The following ANKS1B variants were observed in gnomAD, a reference collection of about 807,000 sequenced individuals.
ANKS1B encodes ankyrin repeat and sterile alpha motif domain containing 1B, also known as ankyrin repeat and sterile alpha motif domain-containing protein 1B.
ANKS1B carries 36 observed loss-of-function variants against 148.3 expected under a neutral mutation model. The ratio of observed to expected loss-of-function variants is 0.24; its 90% CI spans 0.19 to 0.32. ANKS1B has a LOEUF of 0.32. Ranked by LOEUF, ANKS1B falls within the 10% of genes least tolerant of loss-of-function variation. The pLI is 1.00. For synonymous variants in ANKS1B, 542 were observed against 560.8 expected, an observed-to-expected ratio of 0.97 and a Z score of 0.47; for missense variants, 1,157 against 1,542.6, an observed-to-expected ratio of 0.75 and a Z score of 4.19.
intron 10 of ANKS1B, among the ~76,000 whole-genome samples, chr12:99,484,098 A>G (rs569690182): frequency 6.6e-6 from 1 of 152,048 alleles, no homozygotes; most frequent in Admixed American, 6.6e-5. Flanking sequence ...GGTTGTTAAA[A>G]TTTGTGCCCT....
At chr12:99,761,845 A>G (rs1018307709) in intron 8 of ANKS1B, among the ~76,000 whole-genome samples, 30 of 152,250 alleles carry the variant, frequency 2.0e-4, no homozygotes, top group African/African-American at 7.2e-4. Flanking sequence ...ACTTCAGCAC[A>G]TTTTCAGAAC....
chr12:98,889,351 T>TTA (rs887683612), intron 17 of ANKS1B, among the ~76,000 whole-genome samples: 1 of 118,662 alleles, frequency 8.4e-6, no homozygotes, highest in African/African-American at 2.9e-5. Flanking sequence ...ACCTTTTTTA[T>TTA]TTTTTTTTTT....
Position 99,554,144 on chromosome 12 carries a change from G to A in ANKS1B, c.1273-49503C>T, listed in dbSNP as rs573552014. Reference sequence around the variant, plus strand: ...GCAATACAACCTAGCTGTGCCTAAAGACACATCTCAGCCTACAGCCAAAAG... The same window carrying A: ...GCAATACAACCTAGCTGTGCCTAAAAACACATCTCAGCCTACAGCCAAAAG... On this transcript the variant is annotated intron_variant, in intron 9 of 26. Transcript: ENST00000683438. 2.0e-5 allele frequency among the ~76,000 whole-genome samples: 3 copies of A among 152,242 alleles called. No homozygotes were observed. In the South Asian group the frequency reaches 6.2e-4, roughly 32 times the overall value.
At chr12:99,953,593 GA>G (rs5800394) in intron 1 of ANKS1B, among the ~76,000 whole-genome samples, 18,292 of 142,304 alleles carry the variant, frequency 0.13, 1,418 homozygotes, top group Middle Eastern at 0.19. Flanking sequence ...GTTGTTTAAG[GA>G]AAAAAAAAAA....
chr12:99,575,761 A>G (rs1199993589), intron 9 of ANKS1B, among the ~76,000 whole-genome samples: 1 of 152,066 alleles, frequency 6.6e-6, no homozygotes, highest in South Asian at 2.1e-4. Flanking sequence ...TTGGGTGGGG[A>G]CACCCAAACC....
chr12:99,375,687 C>A (rs1338409333), intron 12 of ANKS1B, among the ~76,000 whole-genome samples: 1 of 149,260 alleles, frequency 6.7e-6, no homozygotes, highest in African/African-American at 2.5e-5. Context: ...AAAAAAAAAA[C>A]CCTAAATACA....
chr12:99,460,890 C>T (rs2095950145), intron 10 of ANKS1B, among the ~76,000 whole-genome samples: 1 of 152,080 alleles, frequency 6.6e-6, no homozygotes, highest in African/African-American at 2.4e-5. Context: ...AATCCCACTC[C>T]TGGGTACCTA....
At chr12:99,608,717 C>T (rs959358008) in intron 9 of ANKS1B, among the ~76,000 whole-genome samples, 1 of 152,052 alleles carries the variant, frequency 6.6e-6, no homozygotes, top group African/African-American at 2.4e-5. Flanking sequence ...ATGAGGAAGA[C>T]AGAGGACCAC....
intron 17 of ANKS1B, among the ~76,000 whole-genome samples, chr12:98,945,596 T>C (rs1208210250): frequency 2.0e-5 from 3 of 150,750 alleles, no homozygotes; most frequent in Admixed American, 6.6e-5. Context: ...AGCTACCTTT[T>C]CCCCATTTAC....
chr12:99,582,427 T>G (rs2097579686), intron 9 of ANKS1B, among the ~76,000 whole-genome samples: 1 of 152,012 alleles, frequency 6.6e-6, no homozygotes, highest in Non-Finnish European at 1.5e-5. Context: ...TTTTTCATAA[T>G]AGCCAAAAAA....
chr12:99,548,158 T>A (rs10860464), intron 9 of ANKS1B, among the ~76,000 whole-genome samples: 71,229 of 151,912 alleles, frequency 0.47, 16,919 homozygotes, highest in East Asian at 0.61. Flanking sequence ...TTTGCCTTCC[T>A]AAAGGTAAGC....
intron 1 of ANKS1B, among the ~76,000 whole-genome samples, chr12:99,970,035 C>CA (rs1359234651): frequency 2.0e-5 from 3 of 152,048 alleles, no homozygotes; most frequent in Middle Eastern, 3.2e-3. Flanking sequence ...ATAATAAAGT[C>CA]AAAAATCATC....
At chr12:99,723,683 C>G (rs537510168) in intron 8 of ANKS1B, among the ~76,000 whole-genome samples, 2 of 152,224 alleles carry the variant, frequency 1.3e-5, no homozygotes, top group South Asian at 4.1e-4. Flanking sequence ...CTGTACCACC[C>G]AACTAGGTGA....
intron 12 of ANKS1B, among the ~76,000 whole-genome samples, chr12:99,251,541 C>T (rs1257746022): frequency 6.6e-6 from 1 of 152,118 alleles, no homozygotes; most frequent in East Asian, 1.9e-4. Context: ...TGCCAAGGTA[C>T]AGAACTAAAT....
rs191466487 is a variant in ANKS1B at position 99,937,040 on chromosome 12, C to T, written c.134+47064G>A. 1.3e-3 allele frequency among the ~76,000 whole-genome samples: 200 copies of T among 152,282 alleles called. 1 individual carries two copies. The highest frequency in any genetic ancestry group is 4.5e-3 in the African/African-American group (189 of 41,562). ...GATACAGTATGGGACATCCCTTAAC[C>T]TTAGGCCTAGTCAGCTTTGTTGAAC... is the stretch of plus-strand genomic sequence containing the variant. On this transcript the variant is annotated intron_variant, in intron 1 of 26. Coordinates refer to ENST00000683438, the MANE Select transcript of ANKS1B (RefSeq NM_001352186.2).
At chr12:99,490,775 T>G (rs2096547103) in intron 10 of ANKS1B, among the ~76,000 whole-genome samples, 1 of 152,210 alleles carries the variant, frequency 6.6e-6, no homozygotes, top group Admixed American at 6.5e-5. Flanking sequence ...TCTAGGACTA[T>G]GTAAAGACAG....
intron 15 of ANKS1B, among the ~76,000 whole-genome samples, chr12:99,095,290 TA>T (rs2055596628): frequency 6.6e-6 from 1 of 152,290 alleles, no homozygotes; most frequent in African/African-American, 2.4e-5. Context: ...CTGGATAAGC[TA>T]AAGTTCTCAG....
At chr12:99,007,664 G>A (rs1431317906) in intron 17 of ANKS1B, among the ~76,000 whole-genome samples, 1 of 152,080 alleles carries the variant, frequency 6.6e-6, no homozygotes, top group Non-Finnish European at 1.5e-5. Flanking sequence ...TCTACTGTGG[G>A]TGTGCTTAGG....
chr12:99,969,229 AGTACAG>A (rs1243908426), intron 1 of ANKS1B, among the ~76,000 whole-genome samples: 6 of 152,106 alleles, frequency 3.9e-5, no homozygotes, highest in Non-Finnish European at 8.8e-5. Flanking sequence ...CCCAGGCTGG[AGTACAG>A]TGGCATGATC....
Sources: gnomAD v4.1 joint callset for allele counts (sites outside exome capture counted in the v4.1 genomes callset) on GRCh38, gnomAD v4.1.1 for gene constraint, MANE v1.5 for transcripts, NCBI Gene and HGNC (gene_info 2026-07-23, HGNC 2026-07-21) for gene names.